Variants in CDIN1 observed in about 807,000 individuals in gnomAD.
CDIN1 encodes the protein CDAN1 interacting nuclease 1.
Under a neutral mutation model 45.3 loss-of-function variants are expected in CDIN1, and 33 were observed. The ratio of observed to expected loss-of-function variants is 0.73; its 90% CI spans 0.55 to 0.97. CDIN1 has a LOEUF of 0.97. CDIN1 is among the 50% of genes least tolerant of loss of function. CDIN1 has a pLI of 0.00. For synonymous variants in CDIN1, 118 were observed against 124.4 expected (o/e 0.95, Z 0.34); for missense variants, 303 against 339.4 (o/e 0.89, Z 0.84).
chr15:36,766,510 T>C (rs2053928884), intron 10 of CDIN1, among the ~76,000 whole-genome samples: 1 of 152,250 alleles, frequency 6.6e-6, no homozygotes, highest in African/African-American at 2.4e-5. Flanking sequence ...TGTACCATTT[T>C]ACATTTCCCT....
intron 8 of CDIN1, chr15:36,702,260 G>A (rs760363860): frequency 1.1e-4 from 69 of 643,066 alleles, no homozygotes; most frequent in African/African-American, 1.6e-4. Context: ...GGAGGTGGGG[G>A]ATTTGGGCTC....
At chr15:36,613,794 A>G in intron 1 of CDIN1, 1 of 1,603,328 alleles carries the variant, frequency 6.2e-7, no homozygotes. Flanking sequence ...ATAGAACTCC[A>G]GGAAATCCAA....
rs894420372 is a variant in CDIN1, at chr15:36,756,967, G to A, written c.716+47006G>A. Among the ~76,000 whole-genome samples the A allele has an allele frequency of 4.6e-5, 7 of 152,158 alleles. No individual in the cohort carries two copies. In the South Asian group the frequency reaches 1.0e-3, roughly 22 times the overall value. On this transcript the variant is annotated intron_variant, in intron 10 of 10. Transcript: ENST00000566621. ...GAAAAGTAATGGAGTCCCCCATGGC[G>A]CTCTGACAGGGAGATGAGGCAATTT...
intron 10 of CDIN1, 49 bp from the exon 11 acceptor site, chr15:36,808,275 G>A: frequency 1.3e-6 from 2 of 1,592,812 alleles, no homozygotes; most frequent in Non-Finnish European, 1.7e-6. Flanking sequence ...CTTTTTTCAA[G>A]AGCTCTGTTG....
chr15:36,698,987 C>A (rs765292050), intron 8 of CDIN1, among the ~76,000 whole-genome samples: 14 of 152,194 alleles, frequency 9.2e-5, no homozygotes, highest in Non-Finnish European at 1.5e-4. Flanking sequence ...GGGATCATCT[C>A]TACTTGCAAA....
At chr15:36,682,337 TTCTG>T (rs1303898851) in intron 5 of CDIN1, among the ~76,000 whole-genome samples, 1 of 152,148 alleles carries the variant, frequency 6.6e-6, no homozygotes, top group Non-Finnish European at 1.5e-5. Context: ...GCAGAAAGAA[TTCTG>T]TCTTACTCAG....
intron 1 of CDIN1, among the ~76,000 whole-genome samples, chr15:36,630,872 C>A: frequency 6.6e-6 from 1 of 152,134 alleles, no homozygotes; most frequent in Non-Finnish European, 1.5e-5. Context: ...TTTTAACAAC[C>A]AGCTCTTTAG....
At chr15:36,679,519 T>G (rs56386562) in intron 5 of CDIN1, among the ~76,000 whole-genome samples, 2,934 of 152,294 alleles carry the variant, frequency 0.019, 93 homozygotes, top group African/African-American at 0.067. Context: ...TCTGTCTGAT[T>G]CTAGACTCTG....
rs1403765382 is a variant in CDIN1, at chr15:36,624,036, C to A, written c.102-20242C>A. ...GCTAATAAGTGTTCCCCCAGTGTTACCATCTTCATTATCATGATCATCATG... is the reference window on the plus strand; with the variant it reads ...GCTAATAAGTGTTCCCCCAGTGTTAACATCTTCATTATCATGATCATCATG... On this transcript the variant is annotated intron_variant, in intron 1 of 10. Transcript: ENST00000566621. 3.3e-5 allele frequency among the ~76,000 whole-genome samples: 5 copies of A among 152,106 alleles called. No homozygotes were observed. In the East Asian group the frequency reaches 9.6e-4, roughly 29 times the overall value.
chr15:36,605,984 A>G (rs1485336825), intron 1 of CDIN1, among the ~76,000 whole-genome samples: 2 of 152,044 alleles, frequency 1.3e-5, no homozygotes, highest in East Asian at 1.9e-4. Flanking sequence ...TTTGACCTCT[A>G]GCTTATCACT....
intron 5 of CDIN1, among the ~76,000 whole-genome samples, chr15:36,687,295 C>T (rs1448628563): frequency 6.6e-6 from 1 of 151,844 alleles, no homozygotes; most frequent in Non-Finnish European, 1.5e-5. Flanking sequence ...GAAAATCCAA[C>T]AAAATACTAT....
intron 1 of CDIN1, among the ~76,000 whole-genome samples, chr15:36,593,284 A>G (rs2140196706): frequency 6.6e-6 from 1 of 152,304 alleles, no homozygotes; most frequent in South Asian, 2.1e-4. Flanking sequence ...CTCAAATGCA[A>G]CCACTCATAT....
At chr15:36,724,475 A>G (rs1408325928) in intron 10 of CDIN1, among the ~76,000 whole-genome samples, 1 of 152,178 alleles carries the variant, frequency 6.6e-6, no homozygotes, top group Non-Finnish European at 1.5e-5. Flanking sequence ...TGATGCTATT[A>G]AAGAATTGGG....
In CDIN1 at chr15:36,775,091, A is replaced by G. The variant is rs532176362; in HGVS notation, c.717-33233A>G. Among the ~76,000 whole-genome samples, 428 of 152,372 alleles carry G rather than the reference A, an allele frequency of 2.8e-3. 1 individual carries two copies. The highest frequency in any genetic ancestry group is 9.2e-3 in the Admixed American group (141 of 15,312). On this transcript the variant is annotated intron_variant, in intron 10 of 10. Transcript: ENST00000566621. ...ATCTAATAGGTGACACATGTCGCAG[A>G]GAAACCTTACAACATCCCCATTTCC...
chr15:36,775,632 T>G (rs1237757296), intron 10 of CDIN1, among the ~76,000 whole-genome samples: 1 of 152,210 alleles, frequency 6.6e-6, no homozygotes, highest in African/African-American at 2.4e-5. Flanking sequence ...TGAATGTTAC[T>G]CTGCCAAAGT....
intron 3 of CDIN1, among the ~76,000 whole-genome samples, chr15:36,646,476 TA>T (rs1172582530): frequency 7.1e-6 from 1 of 140,802 alleles, no homozygotes; most frequent in Non-Finnish European, 1.5e-5. Context: ...AGATCCTCTC[TA>T]AACAAGACTT....
chr15:36,690,753 G>A (rs1332083947), intron 5 of CDIN1, among the ~76,000 whole-genome samples: 1 of 152,026 alleles, frequency 6.6e-6, no homozygotes, highest in Non-Finnish European at 1.5e-5. Flanking sequence ...TTGCTAAATT[G>A]TGGTGAATAA....
chr15:36,739,201 G>T (rs954950954), intron 10 of CDIN1, among the ~76,000 whole-genome samples: 1 of 152,106 alleles, frequency 6.6e-6, no homozygotes, highest in African/African-American at 2.4e-5. Context: ...GAGACTAGCT[G>T]GGCAACATAG....
intron 5 of CDIN1, among the ~76,000 whole-genome samples, chr15:36,659,089 T>C (rs915522613): frequency 6.6e-6 from 1 of 152,192 alleles, no homozygotes; most frequent in Non-Finnish European, 1.5e-5. Flanking sequence ...AACCTTCTGA[T>C]TGCTTTGGAC....
Sources: allele counts gnomAD v4.1 joint callset (sites outside exome capture counted in the v4.1 genomes callset), GRCh38; gene constraint gnomAD v4.1.1; transcripts MANE v1.5; gene names NCBI Gene and HGNC (gene_info 2026-07-23, HGNC 2026-07-21).